MGAM: variants seen among roughly 807,000 people sequenced by gnomAD.
The protein encoded by MGAM is maltase-glucoamylase.
MGAM carries 253 observed loss-of-function variants against 358.8 expected under a neutral mutation model. That is an observed-to-expected ratio of 0.71 (90% CI 0.64 to 0.78). The LOEUF (loss-of-function observed/expected upper bound fraction) is 0.78, where lower values mean the gene tolerates loss of function less well. Ranked by LOEUF, MGAM falls within the 30% of genes least tolerant of loss-of-function variation. The pLI, the probability that MGAM is intolerant of heterozygous loss-of-function variation, is 0.00. For missense variants in MGAM, 3,080 were observed against 3,432.6 expected (o/e 0.90, Z 2.57); for synonymous variants, 1,105 against 1,227.1 (o/e 0.90, Z 2.08).
chr7:142,038,669 C>A (rs779645749), intron 19 of MGAM, 54 bp downstream of exon 19: 2 of 1,284,494 alleles, frequency 1.6e-6, no homozygotes, highest in African/African-American at 1.5e-5. Context: ...ATCTGCTGCC[C>A]TGCAAACTCC....
At position 142,030,497 on chromosome 7, in the gene MGAM, TG is replaced by T; in HGVS notation, c.1353+5del. 6.2e-7 allele frequency: 1 copy of T among 1,613,590 alleles called. No homozygotes were observed. The highest frequency in any genetic ancestry group is 8.5e-7 in the Non-Finnish European group (1 of 1,179,670). On this transcript the variant is annotated splice_donor_5th_base_variant and intron_variant, in intron 11 of 70. Transcript: ENST00000475668. Reference sequence around the variant, plus strand: ...ACAGAAGCTTGTCATCATTGTGGTATGTACTGCCCTCTTTCCACCAAATTAG... The same window carrying T: ...ACAGAAGCTTGTCATCATTGTGGTATTACTGCCCTCTTTCCACCAAATTAG...
intron 3 of MGAM, among the ~76,000 whole-genome samples, chr7:142,015,262 T>C (rs1437135367): frequency 6.6e-6 from 1 of 152,124 alleles, no homozygotes; most frequent in African/African-American, 2.4e-5. Context: ...GTTTGTTCAT[T>C]CATGTGATTC....
intron 70 of MGAM, among the ~76,000 whole-genome samples, chr7:142,105,034 A>G (rs143866044): frequency 6.6e-6 from 1 of 152,106 alleles, no homozygotes; most frequent in Non-Finnish European, 1.5e-5. Flanking sequence ...ACTTTGCCCA[A>G]TCCTGTTGCT....
At position 142,073,018 on chromosome 7, in the gene MGAM, T is replaced by C. The variant is rs1185104937; in HGVS notation, c.5187-1067T>C. On this transcript the variant is annotated intron_variant, in intron 44 of 70. Coordinates refer to ENST00000475668, the MANE Select transcript of MGAM (RefSeq NM_001365693.1). ...AGAACATTTTAGCAGGAATATATGTTATAATTTATCTAGGATCAGGTAATA... is the reference window on the plus strand; with the variant it reads ...AGAACATTTTAGCAGGAATATATGTCATAATTTATCTAGGATCAGGTAATA... Among the ~76,000 whole-genome samples, 6 of 146,454 alleles carry C rather than the reference T, an allele frequency of 4.1e-5. 2 individuals are homozygous for C. The highest frequency in any genetic ancestry group is 9.3e-5 in the Non-Finnish European group (6 of 64,634).
chr7:142,090,361 C>T (rs1278066022), intron 57 of MGAM, among the ~76,000 whole-genome samples: 2 of 145,538 alleles, frequency 1.4e-5, no homozygotes, highest in Non-Finnish European at 3.1e-5. Flanking sequence ...CCATCCCCCA[C>T]CCATCCCGTC....
In MGAM at chr7:142,044,255, A is replaced by G. The variant is rs566256564; in HGVS notation, c.2498+3409A>G. Among the ~76,000 whole-genome samples the G allele has an allele frequency of 1.7e-3, 216 of 126,340 alleles. 35 individuals are homozygous for G. The Middle Eastern group carries it at 0.037, about 21-fold the overall frequency. The allele number at this position is 126,340 out of a possible 152,430, so 82.9% of individuals were successfully genotyped here. Reference sequence around the variant, plus strand: ...AATATATACATTATATACACATACGACATATAATATATACATTATATACAC... The same window carrying G: ...AATATATACATTATATACACATACGGCATATAATATATACATTATATACAC... On this transcript the variant is annotated intron_variant, in intron 21 of 70. Coordinates refer to ENST00000475668, the MANE Select transcript of MGAM (RefSeq NM_001365693.1).
At position 142,056,069 on chromosome 7, in the gene MGAM, G is replaced by A; in HGVS notation, c.3553G>A (p.Val1185Met). 1 of 1,610,022 alleles carries A rather than the reference G, an allele frequency of 6.2e-7. No homozygotes were observed. Among genetic ancestry groups the A allele is most frequent in the Non-Finnish European group, 8.5e-7 (1 of 1,178,280 alleles). Reference sequence around the variant, plus strand: ...GGAGGAGGACGGCAGTGCCCATGGAGTGCTCCTGCTGAACAGCAATGCCAT... The same window carrying A: ...GGAGGAGGACGGCAGTGCCCATGGAATGCTCCTGCTGAACAGCAATGCCAT... The part of the protein sequence containing the change: ...GLEEDGSAHG[V>M]LLLNSNAMDV... Residue 1185 changes from valine (V) to methionine (M), a missense_variant, in exon 29 of 71, where the codon GTG becomes ATG. Physicochemically the swap from Val to Met is conservative, Grantham distance 21. This residue lies in a region of MGAM where 1,816 missense variants were observed against 1,840.5 expected (regional missense o/e 0.99). Transcript: ENST00000475668.
chr7:141,997,117 A>G (rs868909944), intron 1 of MGAM, among the ~76,000 whole-genome samples: 2 of 152,092 alleles, frequency 1.3e-5, no homozygotes, highest in African/African-American at 4.8e-5. Flanking sequence ...AGGGAGAGTT[A>G]CTCTTGGGGA....
intron 1 of MGAM, among the ~76,000 whole-genome samples, chr7:141,996,290 T>C (rs1804224511): frequency 1.4e-5 from 2 of 148,010 alleles, no homozygotes; most frequent in Admixed American, 1.3e-4. Context: ...CGTAGAGCGA[T>C]ACTCCGTCTC....
At chr7:142,083,997 A>G (rs926783702) in intron 53 of MGAM, among the ~76,000 whole-genome samples, 2 of 145,746 alleles carry the variant, frequency 1.4e-5, no homozygotes, top group African/African-American at 4.9e-5. Flanking sequence ...GGTGGTGACC[A>G]TGGTTGTTGT....
chr7:142,100,852 C>T lies in MGAM; in HGVS notation c.7925C>T (p.Ala2642Val), dbSNP rs754082053. ...FKIALDDEGT[A>V]GGWLFWDDGQ... The stretch of plus-strand genomic sequence containing the variant: ...ATTGCCTTGGATGATGAAGGAACTG[C>T]TGGGGGCTGGCTCTTCTGGGATGAT... Residue 2642 changes from alanine (A) to valine (V), a missense_variant, in exon 68 of 71, where the codon GCT becomes GTT. Physicochemically the swap from Ala to Val is moderately conservative, Grantham distance 64. Coordinates refer to ENST00000475668, the MANE Select transcript of MGAM (RefSeq NM_001365693.1). 1 of 1,613,306 alleles carries T rather than the reference C, an allele frequency of 6.2e-7. No homozygotes were observed.
rs1815502455 is a variant in MGAM, at chr7:142,092,619, T to G, written c.7033+11T>G. On this transcript the variant is annotated intron_variant, in intron 59 of 70. Coordinates refer to ENST00000475668, the MANE Select transcript of MGAM (RefSeq NM_001365693.1). The stretch of plus-strand genomic sequence containing the variant: ...CTCCCTACATGCCGTGTAAGAATCC[T>G]TGGCCTTCTTGATTGGCAGAGCCAT... 6.6e-7 allele frequency: 1 copy of G among 1,523,216 alleles called. No individual in the cohort carries two copies. Among genetic ancestry groups the G allele is most frequent in the Non-Finnish European group, 9.0e-7 (1 of 1,112,794 alleles). 94.4% of individuals were successfully genotyped at this position (1,523,216 alleles called of 1,614,324 possible). A position where few individuals can be genotyped will look rare whatever the true frequency, so the allele number is the denominator to read the frequency against.
chr7:142,097,472 T>C (rs1816029639), intron 65 of MGAM, 121 bp from the exon 66 acceptor site: 1 of 930,868 alleles, frequency 1.1e-6, no homozygotes, highest in South Asian at 1.4e-5. Flanking sequence ...GGTGACCTCC[T>C]GGGACATGAG....
Position 142,080,567 on chromosome 7 carries a change from A to G in MGAM, c.5848-224A>G, listed in dbSNP as rs1313812354. Among the ~76,000 whole-genome samples the G allele has an allele frequency of 4.1e-5, 6 of 146,174 alleles. 1 individual carries two copies. The highest frequency in any genetic ancestry group is 7.7e-5 in the Non-Finnish European group (5 of 64,576). On this transcript the variant is annotated intron_variant, in intron 49 of 70. Coordinates refer to ENST00000475668, the MANE Select transcript of MGAM (RefSeq NM_001365693.1). Reference sequence around the variant, plus strand: ...TTTCTACGTTAGCACCAATGTCACAATGCTTATATTGATGCAGTAGAGGCC... The same window carrying G: ...TTTCTACGTTAGCACCAATGTCACAGTGCTTATATTGATGCAGTAGAGGCC...
intron 2 of MGAM, among the ~76,000 whole-genome samples, chr7:141,990,303 C>T (rs1803889892): frequency 6.6e-6 from 1 of 152,214 alleles, no homozygotes; most frequent in South Asian, 2.1e-4. Context: ...CTCATATCTA[C>T]ACAACTTCAC....
chr7:142,070,533 C>T (rs1813250535), intron 43 of MGAM, among the ~76,000 whole-genome samples: 1 of 146,098 alleles, frequency 6.8e-6, no homozygotes, highest in Admixed American at 6.9e-5. Context: ...TTTTGGTTGT[C>T]ACAACAGGCT....
At chr7:142,045,579 TA>T (rs1224266053) in intron 21 of MGAM, among the ~76,000 whole-genome samples, 1 of 109,998 alleles carries the variant, frequency 9.1e-6, no homozygotes, top group Non-Finnish European at 1.7e-5. Flanking sequence ...ATATATATTA[TA>T]TATACATACA....
intron 45 of MGAM, 79 bp downstream of exon 45, chr7:142,074,252 A>T (rs1813564858): frequency 9.7e-7 from 1 of 1,033,676 alleles, no homozygotes; most frequent in South Asian, 1.4e-5. Flanking sequence ...CTGGTCATTC[A>T]GCTGTGGGAG....
At chr7:142,086,086 T>G in intron 55 of MGAM, 125 bp downstream of exon 55, 1 of 1,456,708 alleles carries the variant, frequency 6.9e-7, no homozygotes, top group Non-Finnish European at 9.4e-7. Context: ...AATGTGTATT[T>G]CCCTGGACTC....
Sources: allele counts gnomAD v4.1 joint callset (sites outside exome capture counted in the v4.1 genomes callset), GRCh38; gene constraint gnomAD v4.1.1; regional missense constraint gnomAD v4.1.1; transcripts MANE v1.5; gene names NCBI Gene and HGNC (gene_info 2026-07-23, HGNC 2026-07-21).